Variants in SLC38A9 observed in about 807,000 individuals in gnomAD.
The protein encoded by SLC38A9 is neutral amino acid transporter 9.
In SLC38A9, 48 loss-of-function variants were observed where a neutral mutation model predicts 62.3. The observed-to-expected ratio is 0.77, with a 90% CI of 0.61 to 0.98. The LOEUF (loss-of-function observed/expected upper bound fraction) is 0.98, where lower values mean the gene tolerates loss of function less well. Ranked by LOEUF, SLC38A9 falls within the 50% of genes least tolerant of loss-of-function variation. The pLI, the probability that SLC38A9 is intolerant of heterozygous loss-of-function variation, is 0.00. For synonymous variants in SLC38A9, 204 were observed against 227.7 expected (o/e 0.90, Z 0.94); for missense variants, 541 against 679.8 (o/e 0.80, Z 2.27).
chr5:55,631,165 A>G (rs1743371349), intron 14 of SLC38A9, among the ~76,000 whole-genome samples: 1 of 152,058 alleles, frequency 6.6e-6, no homozygotes, highest in African/African-American at 2.4e-5. Flanking sequence ...CCTAAATTCT[A>G]TTTTTTAATA....
At chr5:55,680,218 T>G (rs1438805094) in intron 3 of SLC38A9, among the ~76,000 whole-genome samples, 2 of 111,602 alleles carry the variant, frequency 1.8e-5, no homozygotes, top group African/African-American at 3.2e-5. Flanking sequence ...TATATATCTA[T>G]ATATATATAG....
At chr5:55,654,300 G>A (rs1748031381) in intron 9 of SLC38A9, among the ~76,000 whole-genome samples, 1 of 151,876 alleles carries the variant, frequency 6.6e-6, no homozygotes, top group African/African-American at 2.4e-5. Flanking sequence ...AAATTTTCTT[G>A]TGCTAATTAT....
chr5:55,658,155 C>CTTTTA (rs56857006), intron 8 of SLC38A9: 86,704 of 150,796 alleles, frequency 0.57, 25,897 homozygotes, highest in South Asian at 0.66. Context: ...TGACTGATGT[C>CTTTTA]TTTTATTTTA....
intron 8 of SLC38A9, among the ~76,000 whole-genome samples, chr5:55,662,890 T>C (rs1580233415): frequency 8.0e-6 from 1 of 125,386 alleles, no homozygotes; most frequent in African/African-American, 2.8e-5. Context: ...GGCTTGTGTC[T>C]ATAATTCTTT....
chr5:55,663,791 T>C (rs59070078), intron 8 of SLC38A9, among the ~76,000 whole-genome samples: 1 of 152,178 alleles, frequency 6.6e-6, no homozygotes, highest in Non-Finnish European at 1.5e-5. Flanking sequence ...GCTAATTTTA[T>C]TCTTTAATGT....
At chr5:55,710,916 C>G (rs1264555258) in intron 2 of SLC38A9, among the ~76,000 whole-genome samples, 1 of 151,768 alleles carries the variant, frequency 6.6e-6, no homozygotes, top group Middle Eastern at 3.2e-3. Context: ...CGGCACCTGG[C>G]CAAAACGTTT....
At position 55,694,207 on chromosome 5, in the gene SLC38A9, C is replaced by CAAAA. The variant is rs3884110; in HGVS notation, c.113+3635_113+3638dup. ...TGGGCTACAGAGTGAGACCCTGTCTCAAAAAAAAAAAAAAAAATCACTGTC... is the reference window on the plus strand; with the variant it reads ...TGGGCTACAGAGTGAGACCCTGTCTCAAAAAAAAAAAAAAAAAAAAATCACTGTC... On this transcript the variant is annotated intron_variant, in intron 3 of 15. Coordinates refer to ENST00000396865, the MANE Select transcript of SLC38A9 (RefSeq NM_173514.4). 571 of 171,910 alleles carry CAAAA rather than the reference C, an allele frequency of 3.3e-3. 3 individuals carry two copies. Among genetic ancestry groups the CAAAA allele is most frequent in the African/African-American group, 8.2e-3 (287 of 34,802 alleles). 10.6% of individuals were successfully genotyped at this position (171,910 alleles called of 1,614,324 possible).
intron 3 of SLC38A9, among the ~76,000 whole-genome samples, chr5:55,674,237 T>A (rs960797779): frequency 1.3e-5 from 2 of 152,186 alleles, no homozygotes; most frequent in African/African-American, 4.8e-5. Flanking sequence ...AATGAATATG[T>A]AAATAGAGCA....
chr5:55,677,686 C>T (rs7736796), intron 3 of SLC38A9, among the ~76,000 whole-genome samples: 3 of 151,208 alleles, frequency 2.0e-5, no homozygotes, highest in Admixed American at 6.6e-5. Context: ...TGTGCACCAC[C>T]GTGCCCAGCT....
At chr5:55,656,291 C>A (rs1748416197) in intron 9 of SLC38A9, among the ~76,000 whole-genome samples, 1 of 151,274 alleles carries the variant, frequency 6.6e-6, no homozygotes, top group African/African-American at 2.4e-5. Flanking sequence ...AAAATGAATT[C>A]TTTTACAGGT....
Position 55,701,622 on chromosome 5 carries a change from A to G in SLC38A9, c.-34-3630T>C, listed in dbSNP as rs144400160. On this transcript the variant is annotated intron_variant, in intron 2 of 15. Coordinates refer to ENST00000396865, the MANE Select transcript of SLC38A9 (RefSeq NM_173514.4). The stretch of plus-strand genomic sequence containing the variant: ...CTACACAGCATGTCAAGAATTGTAG[A>G]AAAGGGTAATAAGGAATTTGGCCTT... Among the ~76,000 whole-genome samples, 332 of 152,332 alleles carry G rather than the reference A, an allele frequency of 2.2e-3. 2 individuals are homozygous for G. The highest frequency in any genetic ancestry group is 3.5e-3 in the Non-Finnish European group (236 of 68,018).
At chr5:55,685,736 A>C (rs1753705436) in intron 3 of SLC38A9, among the ~76,000 whole-genome samples, 1 of 152,204 alleles carries the variant, frequency 6.6e-6, no homozygotes, top group African/African-American at 2.4e-5. Context: ...CCCAGGCATT[A>C]AGCCTAGTAT....
chr5:55,664,828 C>A lies in SLC38A9; in HGVS notation c.562G>T (p.Val188Phe). Reference protein sequence around the residue: ...LDTTSWEYPDVCRHYFGSFGQ... With the variant: ...LDTTSWEYPDFCRHYFGSFGQ... ...AAGGAGCCGAAATAATGTCTGCAGA[C>A]ATCTGGATATTCCCAGCTAGTGGTA... Residue 188 changes from valine (V) to phenylalanine (F), a missense_variant, in exon 8 of 16, where the codon GTC becomes TTC. Coordinates refer to ENST00000396865, the MANE Select transcript of SLC38A9 (RefSeq NM_173514.4). The A allele has an allele frequency of 1.3e-6, 2 of 1,563,844 alleles. No homozygotes were observed. Among genetic ancestry groups the A allele is most frequent in the South Asian group, 2.5e-5 (2 of 80,874 alleles).
At position 55,627,938 on chromosome 5, in the gene SLC38A9, A is replaced by T; in HGVS notation, c.1473T>A (p.Ala491=). Residue 491 remains alanine (A), a synonymous_variant, in exon 15 of 16, where the codon GCT becomes GCA. Transcript: ENST00000396865. ...VLILNLIIVG[A]GVIMACFYPN... is the part of the protein sequence containing the mutation. ...GGTAGAAACAGGCCATGATCACTCC[A>T]GCTCCCACAATAATTAGATTAAGAA... 6.2e-7 allele frequency: 1 copy of T among 1,613,040 alleles called. No individual in the cohort carries two copies. The highest frequency in any genetic ancestry group is 8.5e-7 in the Non-Finnish European group (1 of 1,179,266).
chr5:55,662,866 T>A (rs533082590), intron 8 of SLC38A9, among the ~76,000 whole-genome samples: 1 of 151,266 alleles, frequency 6.6e-6, no homozygotes, highest in African/African-American at 2.4e-5. Context: ...AATACAGAAC[T>A]ACCTAAGCAT....
chr5:55,699,389 C>G (rs543621775), intron 2 of SLC38A9, among the ~76,000 whole-genome samples: 326 of 152,300 alleles, frequency 2.1e-3, no homozygotes, highest in African/African-American at 7.3e-3. Flanking sequence ...TAAGATTAAC[C>G]TGCTTGGTAG....
chr5:55,638,258 T>C (rs1744789823), intron 12 of SLC38A9, among the ~76,000 whole-genome samples: 1 of 152,190 alleles, frequency 6.6e-6, no homozygotes, highest in Non-Finnish European at 1.5e-5. Context: ...GGCTTTGCTA[T>C]TCTCTGGCTC....
Position 55,645,127 on chromosome 5 carries a change from C to T in SLC38A9, c.1167+662G>A, listed in dbSNP as rs116541008. Among the ~76,000 whole-genome samples the T allele has an allele frequency of 6.3e-3, 952 of 152,274 alleles. 9 individuals carry two copies. Among genetic ancestry groups the T allele is most frequent in the African/African-American group, 0.022 (923 of 41,546 alleles). ...CCGGGCTAGAGTGCAGTGGCATGAA[C>T]ACAGTTCACCACAGCCTTGGCTTCC... On this transcript the variant is annotated intron_variant, in intron 12 of 15. Coordinates refer to ENST00000396865, the MANE Select transcript of SLC38A9 (RefSeq NM_173514.4).
At chr5:55,640,478 A>G (rs1428691184) in intron 12 of SLC38A9, among the ~76,000 whole-genome samples, 2 of 152,206 alleles carry the variant, frequency 1.3e-5, no homozygotes, top group African/African-American at 4.8e-5. Context: ...GTGTTCTACT[A>G]AGAAAGGCAA....
Sources: gnomAD v4.1 joint callset for allele counts (sites outside exome capture counted in the v4.1 genomes callset) on GRCh38, gnomAD v4.1.1 for gene constraint, MANE v1.5 for transcripts, NCBI Gene and HGNC (gene_info 2026-07-23, HGNC 2026-07-21) for gene names.